Variants in MARCHF8 observed in about 807,000 individuals in gnomAD.
MARCHF8 encodes the protein membrane associated ring-CH-type finger 8.
In MARCHF8, 40 loss-of-function variants were observed where a neutral mutation model predicts 51.6. The ratio of observed to expected loss-of-function variants is 0.77; its 90% CI spans 0.60 to 1.01. MARCHF8 has a LOEUF of 1.01. Ranked by LOEUF, MARCHF8 falls within the 50% of genes least tolerant of loss-of-function variation. MARCHF8 has a pLI of 0.00. For missense variants in MARCHF8, 685 were observed against 708.6 expected (o/e 0.97, Z 0.38); for synonymous variants, 263 against 280.3 (o/e 0.94, Z 0.62).
At chr10:45,550,636 T>G (rs1407409706) in intron 1 of MARCHF8, among the ~76,000 whole-genome samples, 1 of 152,110 alleles carries the variant, frequency 6.6e-6, no homozygotes, top group Non-Finnish European at 1.5e-5. Context: ...ATCCGAGATA[T>G]GTCTGCCCAG....
chr10:45,592,615 G>C (rs1247890895), intron 1 of MARCHF8, among the ~76,000 whole-genome samples: 4 of 152,066 alleles, frequency 2.6e-5, no homozygotes, highest in South Asian at 2.1e-4. Context: ...AGCAGAAATG[G>C]AACTACTACA....
At position 45,512,536 on chromosome 10, in the gene MARCHF8, G is replaced by A. The variant is rs1392047598; in HGVS notation, c.102+20574C>T. 1.2e-4 allele frequency among the ~76,000 whole-genome samples: 18 copies of A among 145,150 alleles called. No homozygotes were observed. The East Asian group carries it at 2.1e-3, about 17-fold the overall frequency. ...CGGGAGGTGAGGGGCGCCTCTGCCC[G>A]GCCGCTCCTACTGGGAAGTGAGGAG... On this transcript the variant is annotated intron_variant, in intron 2 of 7. Coordinates refer to ENST00000453424, the MANE Select transcript of MARCHF8 (RefSeq NM_001282866.2).
chr10:45,547,245 G>GA (rs1435929869), intron 1 of MARCHF8, among the ~76,000 whole-genome samples: 2 of 152,182 alleles, frequency 1.3e-5, no homozygotes, highest in African/African-American at 2.4e-5. Flanking sequence ...AATAATGGAG[G>GA]AAAAAACTAG....
At chr10:45,502,674 T>A (rs1226573165) in intron 2 of MARCHF8, among the ~76,000 whole-genome samples, 2 of 152,298 alleles carry the variant, frequency 1.3e-5, no homozygotes, top group Non-Finnish European at 2.9e-5. Context: ...AGAGACCTGT[T>A]TACCTAAAAC....
At chr10:45,510,855 G>T (rs937281322) in intron 2 of MARCHF8, among the ~76,000 whole-genome samples, 2 of 152,166 alleles carry the variant, frequency 1.3e-5, no homozygotes, top group African/African-American at 4.8e-5. Context: ...GAAGTGGAAG[G>T]AGGAGGAGAG....
chr10:45,585,269 C>A (rs2133434597), intron 1 of MARCHF8, among the ~76,000 whole-genome samples: 1 of 152,188 alleles, frequency 6.6e-6, no homozygotes, highest in Non-Finnish European at 1.5e-5. Context: ...TGCCCAAGAG[C>A]ATAAAAAGAC....
At chr10:45,505,370 A>G (rs140782551) in intron 2 of MARCHF8, among the ~76,000 whole-genome samples, 3 of 152,314 alleles carry the variant, frequency 2.0e-5, no homozygotes, top group East Asian at 3.9e-4. Flanking sequence ...TATTAAGCCA[A>G]TTTCACATAT....
At chr10:45,547,466 T>C (rs1441379913) in intron 1 of MARCHF8, among the ~76,000 whole-genome samples, 1 of 152,164 alleles carries the variant, frequency 6.6e-6, no homozygotes, top group Non-Finnish European at 1.5e-5. Context: ...AAAGTTTTTA[T>C]GCAACTAGAC....
At chr10:45,571,550 T>C (rs1172196494) in intron 1 of MARCHF8, among the ~76,000 whole-genome samples, 4 of 151,742 alleles carry the variant, frequency 2.6e-5, no homozygotes, top group Non-Finnish European at 5.9e-5. Flanking sequence ...TTTGGTGGTC[T>C]CTTCACAGAC....
At chr10:45,535,948 C>A (rs1218283195), upstream of MARCHF8, among the ~76,000 whole-genome samples, 1 of 152,138 alleles carries the variant, frequency 6.6e-6, no homozygotes, top group African/African-American at 2.4e-5. Context: ...GTTCATGGAT[C>A]AGAAGATTTA....
At chr10:45,465,862 T>A (rs1842948491) in intron 3 of MARCHF8, among the ~76,000 whole-genome samples, 1 of 152,232 alleles carries the variant, frequency 6.6e-6, no homozygotes, top group Non-Finnish European at 1.5e-5. Flanking sequence ...TTAAAAGCAT[T>A]AGAGGTCAAA....
At chr10:45,521,684 G>A (rs71496608) in intron 2 of MARCHF8, among the ~76,000 whole-genome samples, 9,401 of 152,182 alleles carry the variant, frequency 0.062, 331 homozygotes, top group Non-Finnish European at 0.067. Context: ...AAATTATTTC[G>A]TATAATTTAC....
intron 2 of MARCHF8, among the ~76,000 whole-genome samples, chr10:45,510,345 T>C (rs578184239): frequency 4.5e-4 from 68 of 152,258 alleles, no homozygotes; most frequent in African/African-American, 1.4e-3. Context: ...GTTAGTAAAA[T>C]AGATTTGGGA....
At chr10:45,488,871 C>G (rs2043031938) in intron 3 of MARCHF8, among the ~76,000 whole-genome samples, 1 of 152,152 alleles carries the variant, frequency 6.6e-6, no homozygotes, top group African/African-American at 2.4e-5. Flanking sequence ...TTCCCGCCTT[C>G]ACCCCTTGTT....
At chr10:45,516,750 C>T (rs1172680879) in intron 2 of MARCHF8, among the ~76,000 whole-genome samples, 1 of 151,760 alleles carries the variant, frequency 6.6e-6, no homozygotes. Context: ...GGTAACAGAA[C>T]AAGACTTTGT....
At chr10:45,555,519 T>C (rs149061203) in intron 1 of MARCHF8, among the ~76,000 whole-genome samples, 2,071 of 150,950 alleles carry the variant, frequency 0.014, 23 homozygotes, top group Middle Eastern at 0.018. Context: ...GGAAAATCTC[T>C]TGAGGGCCAA....
At position 45,551,069 on chromosome 10, in the gene MARCHF8, G is replaced by A. The variant is rs1027489122; in HGVS notation, c.-78-17780C>T. Among the ~76,000 whole-genome samples, 23 of 152,154 alleles carry A rather than the reference G, an allele frequency of 1.5e-4. No individual in the cohort carries two copies. The Middle Eastern group carries it at 0.01, about 68-fold the overall frequency. ...CCGGATTTATTCCCATTTTATAGAC[G>A]AGGAAACACTCAGAGAGGTCAAGTG... On this transcript the variant is annotated intron_variant, in intron 1 of 6. Transcript: ENST00000319836.
chr10:45,581,126 G>A (rs1374651506), intron 1 of MARCHF8, among the ~76,000 whole-genome samples: 1 of 152,010 alleles, frequency 6.6e-6, no homozygotes, highest in Non-Finnish European at 1.5e-5. Flanking sequence ...TCTCAACAGG[G>A]GCAGTTTATC....
At chr10:45,541,426 G>T (rs538086689) in intron 1 of MARCHF8, among the ~76,000 whole-genome samples, 6 of 152,110 alleles carry the variant, frequency 3.9e-5, no homozygotes, top group African/African-American at 9.7e-5. Context: ...GTTGCGGGGT[G>T]GGGGGCTAGG....
Sources: gnomAD v4.1 joint callset for allele counts (sites outside exome capture counted in the v4.1 genomes callset) on GRCh38, gnomAD v4.1.1 for gene constraint, MANE v1.5 for transcripts, NCBI Gene and HGNC (gene_info 2026-07-23, HGNC 2026-07-21) for gene names.